The following MBOAT2 variants were observed in gnomAD, a reference collection of about 807,000 sequenced individuals.
MBOAT2 encodes membrane bound glycerophospholipid O-acyltransferase 2, also known as membrane-bound glycerophospholipid O-acyltransferase 2.
In MBOAT2, 28 loss-of-function variants were observed where a neutral mutation model predicts 63.4. The ratio of observed to expected loss-of-function variants is 0.44; its 90% CI spans 0.33 to 0.61. The LOEUF (loss-of-function observed/expected upper bound fraction) is 0.61, where lower values mean the gene tolerates loss of function less well. Ranked by LOEUF, MBOAT2 falls within the 20% of genes least tolerant of loss-of-function variation. MBOAT2 has a pLI of 0.03. For synonymous variants in MBOAT2, 211 were observed against 215.6 expected (o/e 0.98, Z 0.19); for missense variants, 470 against 605.8 (o/e 0.78, Z 2.35).
chr2:8,977,460 C>G (rs755899735), intron 1 of MBOAT2, among the ~76,000 whole-genome samples: 22 of 152,140 alleles, frequency 1.4e-4, no homozygotes, highest in Non-Finnish European at 3.2e-4. Context: ...AGAAAATTCT[C>G]ATCACTTCAA....
intron 3 of MBOAT2, among the ~76,000 whole-genome samples, chr2:8,926,971 T>C (rs35624131): frequency 0.13 from 19,554 of 152,046 alleles, 1,376 homozygotes; most frequent in South Asian, 0.28. Context: ...AACAACTCAA[T>C]AGGAAACCAA....
At chr2:8,904,316 ATTT>A (rs59252049) in intron 4 of MBOAT2, among the ~76,000 whole-genome samples, 1 of 142,530 alleles carries the variant, frequency 7.0e-6, no homozygotes, top group African/African-American at 2.5e-5. Context: ...TTTATTTTTT[ATTT>A]TTTTTTTTTT....
At chr2:9,002,324 A>G (rs1436824286) in intron 1 of MBOAT2, among the ~76,000 whole-genome samples, 1 of 152,194 alleles carries the variant, frequency 6.6e-6, no homozygotes, top group Non-Finnish European at 1.5e-5. Context: ...CGACATACTT[A>G]AGGCGATTTT....
intron 4 of MBOAT2, among the ~76,000 whole-genome samples, chr2:8,902,885 G>A (rs555385518): frequency 9.2e-5 from 14 of 152,302 alleles, no homozygotes; most frequent in South Asian, 2.1e-4. Flanking sequence ...CTGCTGGCTC[G>A]GGTGGCCTGC....
chr2:8,885,524 G>C (rs1378419645), intron 5 of MBOAT2, among the ~76,000 whole-genome samples: 1 of 151,968 alleles, frequency 6.6e-6, no homozygotes, highest in East Asian at 1.9e-4. Flanking sequence ...ATTCTGTTAG[G>C]TTCAAGTATT....
At chr2:8,995,608 T>G (rs1451056800) in intron 1 of MBOAT2, among the ~76,000 whole-genome samples, 1 of 151,008 alleles carries the variant, frequency 6.6e-6, no homozygotes, top group Non-Finnish European at 1.5e-5. Context: ...TTTTTTTTTT[T>G]GAGACGGAGT....
At chr2:8,999,155 A>G (rs559985125) in intron 1 of MBOAT2, among the ~76,000 whole-genome samples, 1 of 152,340 alleles carries the variant, frequency 6.6e-6, no homozygotes, top group South Asian at 2.1e-4. Flanking sequence ...CCTGCCCGGA[A>G]TTCAGCATAT....
chr2:8,875,243 G>A (rs1015908087), intron 7 of MBOAT2, among the ~76,000 whole-genome samples: 12 of 152,000 alleles, frequency 7.9e-5, no homozygotes, highest in African/African-American at 2.9e-4. Flanking sequence ...ACCACTATTT[G>A]ACTTTATAAA....
At position 8,908,667 on chromosome 2, in the gene MBOAT2, G is replaced by A. The variant is rs773540303; in HGVS notation, c.349C>T (p.Arg117Ter). The change falls in exon 4 of 13, where the codon CGA (arginine) becomes TGA (stop). Residue 117 changes from arginine to a stop codon, truncating the protein, a stop_gained. Coordinates refer to ENST00000305997, the MANE Select transcript of MBOAT2 (RefSeq NM_138799.4). LOFTEE classifies it high-confidence loss of function. ...TGTCCATAGTCAAAGATATAGACTC[G>A]AGTAACTTGGCACACTGTGAGGTAT... ...LGYLTVCQVT[R>*]VYIFDYGQYS... 5 of 1,611,708 alleles carry A rather than the reference G, an allele frequency of 3.1e-6. No individual in the cohort carries two copies. The highest frequency in any genetic ancestry group is 1.3e-5 in the African/African-American group (1 of 74,834).
chr2:8,913,791 T>C (rs1665953939), intron 3 of MBOAT2, among the ~76,000 whole-genome samples: 1 of 152,128 alleles, frequency 6.6e-6, no homozygotes, highest in South Asian at 2.1e-4. Context: ...AAAGTAGAAC[T>C]ACCATTTGAT....
At chr2:8,983,966 A>G (rs1671375939) in intron 1 of MBOAT2, among the ~76,000 whole-genome samples, 1 of 152,238 alleles carries the variant, frequency 6.6e-6, no homozygotes, top group Admixed American at 6.5e-5. Flanking sequence ...AACTAGGTAC[A>G]AAAATATCAC....
intron 3 of MBOAT2, among the ~76,000 whole-genome samples, chr2:8,910,155 C>T (rs1012978017): frequency 7.9e-5 from 12 of 151,706 alleles, no homozygotes; most frequent in African/African-American, 1.7e-4. Context: ...GGATGAGAGA[C>T]GATCCAGAGA....
chr2:8,872,971 T>C, intron 8 of MBOAT2, 137 bp downstream of exon 8: 1 of 610,374 alleles, frequency 1.6e-6, no homozygotes. Context: ...TTGCGAGGGC[T>C]GTTTTTTCTA....
intron 1 of MBOAT2, among the ~76,000 whole-genome samples, chr2:8,961,119 G>GATAC (rs1416572908): frequency 2.6e-5 from 4 of 152,112 alleles, no homozygotes; most frequent in Non-Finnish European, 4.4e-5. Context: ...AGAACTCTTG[G>GATAC]ATACCCATGA....
chr2:8,949,901 TGCTTTGGGCAGTATG>T (rs1292252998), intron 2 of MBOAT2, among the ~76,000 whole-genome samples: 1 of 152,086 alleles, frequency 6.6e-6, no homozygotes, highest in Admixed American at 6.5e-5. Flanking sequence ...TGATAGAAAT[TGCTTTGGGCAGTATG>T]GCCATTTTAG....
chr2:8,952,138 CA>C (rs1174047796), intron 2 of MBOAT2, among the ~76,000 whole-genome samples: 1 of 152,150 alleles, frequency 6.6e-6, no homozygotes. Context: ...TCATTTATTT[CA>C]AAGAATTTTT....
chr2:8,939,694 A>G (rs1667914016), intron 3 of MBOAT2, among the ~76,000 whole-genome samples: 1 of 152,166 alleles, frequency 6.6e-6, no homozygotes, highest in Non-Finnish European at 1.5e-5. Context: ...AGGTCATCTG[A>G]GGTCAGAAAA....
At chr2:8,966,682 A>G (rs1670017261) in intron 1 of MBOAT2, among the ~76,000 whole-genome samples, 1 of 152,224 alleles carries the variant, frequency 6.6e-6, no homozygotes. Flanking sequence ...ATACGACATC[A>G]TTACACATCC....
intron 4 of MBOAT2, among the ~76,000 whole-genome samples, chr2:8,888,539 A>C (rs916673862): frequency 1.3e-5 from 2 of 152,236 alleles, no homozygotes; most frequent in South Asian, 4.1e-4. Context: ...CAGCCATCTA[A>C]GGCACTGAAA....
Sources: gnomAD v4.1 joint callset for allele counts (sites outside exome capture counted in the v4.1 genomes callset) on GRCh38, gnomAD v4.1.1 for gene constraint, MANE v1.5 for transcripts, NCBI Gene and HGNC (gene_info 2026-07-23, HGNC 2026-07-21) for gene names.